Variants in F13A1 observed in about 807,000 individuals in gnomAD.
F13A1 encodes the protein coagulation factor XIII A chain.
Under a neutral mutation model 80.1 loss-of-function variants are expected in F13A1, and 47 were observed. The ratio of observed to expected loss-of-function variants is 0.59; its 90% CI spans 0.46 to 0.75. The LOEUF (loss-of-function observed/expected upper bound fraction) is 0.75. Ranked by LOEUF, F13A1 falls within the 30% of genes least tolerant of loss-of-function variation. The pLI is 0.00. For missense variants in F13A1, 817 were observed against 930.4 expected (o/e 0.88, Z 1.59); for synonymous variants, 349 against 344.9 (o/e 1.01, Z -0.13).
At chr6:6,269,327 G>C (rs1442745079) in intron 3 of F13A1, among the ~76,000 whole-genome samples, 3 of 152,094 alleles carry the variant, frequency 2.0e-5, no homozygotes, top group African/African-American at 7.2e-5. Flanking sequence ...TGGGCTTTCT[G>C]ATTCCTCTAA....
At chr6:6,176,576 C>G (rs1333555477) in intron 11 of F13A1, among the ~76,000 whole-genome samples, 1 of 152,118 alleles carries the variant, frequency 6.6e-6, no homozygotes, top group Non-Finnish European at 1.5e-5. Context: ...CCCTGATTGT[C>G]AAGACTGCAA....
intron 8 of F13A1, among the ~76,000 whole-genome samples, chr6:6,211,014 AGCCACCAC>A (rs1232232264): frequency 1.3e-5 from 2 of 152,126 alleles, no homozygotes; most frequent in Admixed American, 6.5e-5. Flanking sequence ...TATAGGTGTG[AGCCACCAC>A]GCCCAGTCAA....
chr6:6,286,485 TC>T (rs1355533543), intron 3 of F13A1, among the ~76,000 whole-genome samples: 1 of 152,212 alleles, frequency 6.6e-6, no homozygotes, highest in Non-Finnish European at 1.5e-5. Flanking sequence ...TTCCTTTCAT[TC>T]CTGTTCTAAA....
chr6:6,220,882 C>T (rs1331830621), intron 8 of F13A1, among the ~76,000 whole-genome samples: 1 of 152,182 alleles, frequency 6.6e-6, no homozygotes, highest in Non-Finnish European at 1.5e-5. Flanking sequence ...ACTCATTCAG[C>T]AATTTCATTT....
chr6:6,151,427 A>G (rs1760371507), intron 14 of F13A1, among the ~76,000 whole-genome samples: 2 of 152,212 alleles, frequency 1.3e-5, no homozygotes, highest in South Asian at 4.1e-4. Context: ...AGAAGAGACC[A>G]TACGTGAGTA....
At position 6,145,526 on chromosome 6, in the gene F13A1, TA is replaced by T; in HGVS notation, c.*92del. 1 of 1,552,310 alleles carries T rather than the reference TA, an allele frequency of 6.4e-7. No homozygotes were observed. Among genetic ancestry groups the T allele is most frequent in the Non-Finnish European group, 8.9e-7 (1 of 1,125,320 alleles). ...GCAGTCCTGTCTGGGTCTTCACACC[TA>T]AGTCAAAGCAAGAGCTATTTTTGCG... is the stretch of plus-strand genomic sequence containing the variant. On this transcript the variant is annotated 3_prime_UTR_variant, in exon 15 of 15. Transcript: ENST00000264870.
At chr6:6,266,493 T>C (rs2113123548) in intron 4 of F13A1, 65 bp downstream of exon 4, 4 of 1,613,288 alleles carry the variant, frequency 2.5e-6, no homozygotes, top group Middle Eastern at 1.7e-4. Context: ...AGTATAGGCA[T>C]GTGCCATGGC....
chr6:6,292,517 T>C (rs943409971), intron 3 of F13A1, among the ~76,000 whole-genome samples: 1 of 152,182 alleles, frequency 6.6e-6, no homozygotes, highest in Non-Finnish European at 1.5e-5. Context: ...CTATCCTGAA[T>C]TACCCTGATT....
chr6:6,302,997 T>C (rs1048852982), intron 3 of F13A1, among the ~76,000 whole-genome samples: 3 of 152,238 alleles, frequency 2.0e-5, no homozygotes, highest in Non-Finnish European at 4.4e-5. Context: ...GGTCAATTTT[T>C]AAACTTTCTT....
intron 12 of F13A1, among the ~76,000 whole-genome samples, chr6:6,168,568 C>T (rs1408921627): frequency 1.3e-5 from 2 of 152,214 alleles, no homozygotes; most frequent in African/African-American, 4.8e-5. Context: ...ACTCATTCCT[C>T]CATCCCCAGC....
intron 12 of F13A1, 21 bp from the exon 13 acceptor site, chr6:6,167,639 C>G (rs1760702055): frequency 1.9e-6 from 3 of 1,612,096 alleles, no homozygotes; most frequent in South Asian, 2.2e-5. Flanking sequence ...AAAACACACA[C>G]AGGCCTGGCA....
At chr6:6,281,165 A>G (rs983718492) in intron 3 of F13A1, among the ~76,000 whole-genome samples, 4 of 152,234 alleles carry the variant, frequency 2.6e-5, no homozygotes, top group African/African-American at 9.6e-5. Flanking sequence ...ATGTCTAAGA[A>G]GAGTGCTAAT....
chr6:6,217,546 G>A (rs1051712461), intron 8 of F13A1, among the ~76,000 whole-genome samples: 1 of 112,620 alleles, frequency 8.9e-6, no homozygotes, highest in African/African-American at 3.4e-5. Flanking sequence ...GGGGAGGGGG[G>A]AGGGATAGCA....
intron 3 of F13A1, among the ~76,000 whole-genome samples, chr6:6,273,968 CAAGTATTCAAAAGCA>C (rs1251529681): frequency 1.3e-5 from 2 of 152,194 alleles, no homozygotes; most frequent in Non-Finnish European, 2.9e-5. Context: ...GAGAGAAACA[CAAGTATTCAAAAGCA>C]AATCATCTCT....
chr6:6,278,015 G>C (rs891645514), intron 3 of F13A1, among the ~76,000 whole-genome samples: 1 of 152,178 alleles, frequency 6.6e-6, no homozygotes, highest in African/African-American at 2.4e-5. Context: ...CACTCTGCAG[G>C]CTGTAACCTT....
At chr6:6,199,644 T>C (rs1192405835) in intron 8 of F13A1, among the ~76,000 whole-genome samples, 1 of 152,098 alleles carries the variant, frequency 6.6e-6, no homozygotes, top group Non-Finnish European at 1.5e-5. Context: ...ACCTATGATA[T>C]AGGTAAGGAT....
At chr6:6,308,779 ATTTG>A (rs944040657) in intron 2 of F13A1, among the ~76,000 whole-genome samples, 1 of 151,550 alleles carries the variant, frequency 6.6e-6, no homozygotes, top group Non-Finnish European at 1.5e-5. Flanking sequence ...TGCCTGGCTA[ATTTG>A]TTTGTTTTTG....
intron 2 of F13A1, among the ~76,000 whole-genome samples, chr6:6,313,798 G>A (rs1190863449): frequency 2.0e-5 from 3 of 152,084 alleles, no homozygotes; most frequent in African/African-American, 4.8e-5. Context: ...AATTTATAAA[G>A]TGTTGTTATT....
At chr6:6,305,610 A>G in intron 2 of F13A1, 71 bp from the exon 3 acceptor site, 1 of 1,529,222 alleles carries the variant, frequency 6.5e-7, no homozygotes, top group Non-Finnish European at 9.0e-7. Flanking sequence ...ACTCAAAAAC[A>G]AGATTATTTT....
Sources: gnomAD v4.1 joint callset for allele counts (sites outside exome capture counted in the v4.1 genomes callset) on GRCh38, gnomAD v4.1.1 for gene constraint, MANE v1.5 for transcripts, NCBI Gene and HGNC (gene_info 2026-07-23, HGNC 2026-07-21) for gene names.